PPME1: variants seen among roughly 807,000 people sequenced by gnomAD.
PPME1 encodes the protein protein phosphatase methylesterase 1, also known as testicular secretory protein Li 39.
A neutral mutation model predicts 56.9 loss-of-function variants in PPME1; 17 were observed. The observed-to-expected ratio is 0.30, with a 90% CI of 0.20 to 0.45. The LOEUF is 0.45. Among genes scored for constraint, PPME1 ranks in the 20% least tolerant of loss-of-function variants. The pLI, the probability that PPME1 is intolerant of heterozygous loss-of-function variation, is 1.00. For missense variants in PPME1, 357 were observed against 483.2 expected (o/e 0.74, Z 2.45); for synonymous variants, 122 against 156.2 (o/e 0.78, Z 1.63).
intron 7 of PPME1, among the ~76,000 whole-genome samples, chr11:74,232,191 TC>T (rs1397915612): frequency 6.6e-6 from 1 of 152,258 alleles, no homozygotes. Context: ...TTTCCAATAC[TC>T]CCTTGAGGGA....
intron 11 of PPME1, chr11:74,250,289 A>G (rs1859621993): frequency 6.6e-6 from 1 of 152,138 alleles, no homozygotes; most frequent in Non-Finnish European, 1.5e-5. Context: ...TTCATTCTCA[A>G]TCATTGTCGC....
intron 13 of PPME1, among the ~76,000 whole-genome samples, chr11:74,252,252 T>G (rs1191860412): frequency 4.1e-5 from 5 of 121,988 alleles, no homozygotes; most frequent in African/African-American, 1.7e-4. Context: ...TTTTTTTTTG[T>G]TTTTTTTTTT....
At chr11:74,185,794 A>G (rs545648160) in intron 1 of PPME1, among the ~76,000 whole-genome samples, 1 of 152,246 alleles carries the variant, frequency 6.6e-6, no homozygotes, top group South Asian at 2.1e-4. Context: ...TATCAAAGGT[A>G]TAAGATTACA....
chr11:74,173,097 T>G (rs1478935801), intron 1 of PPME1, among the ~76,000 whole-genome samples: 3 of 152,060 alleles, frequency 2.0e-5, no homozygotes, highest in East Asian at 1.9e-4. Flanking sequence ...GATAGAGAGA[T>G]AGACGCACAA....
At chr11:74,189,350 C>T (rs373873879) in intron 1 of PPME1, among the ~76,000 whole-genome samples, 10 of 152,308 alleles carry the variant, frequency 6.6e-5, no homozygotes, top group African/African-American at 2.2e-4. Flanking sequence ...TGTGCAGTGG[C>T]GTGATCATGG....
chr11:74,247,881 G>T (rs1465474603), intron 11 of PPME1: 3 of 152,598 alleles, frequency 2.0e-5, no homozygotes, highest in African/African-American at 4.8e-5. Flanking sequence ...AAGACAGCAT[G>T]GTAAGATGGT....
intron 3 of PPME1, among the ~76,000 whole-genome samples, chr11:74,216,558 C>A (rs1858649518): frequency 6.6e-6 from 1 of 152,020 alleles, no homozygotes; most frequent in South Asian, 2.1e-4. Context: ...CTCAAATAAC[C>A]AACCCAACGA....
chr11:74,241,493 C>T (rs1441611875), intron 9 of PPME1, among the ~76,000 whole-genome samples: 1 of 151,992 alleles, frequency 6.6e-6, no homozygotes, highest in Non-Finnish European at 1.5e-5. Context: ...TATTATTTGT[C>T]TTGGGTACAC....
chr11:74,230,147 C>G lies in PPME1; in HGVS notation c.399-98C>G, dbSNP rs1027972958. The G allele has an allele frequency of 1.6e-4, 216 of 1,332,336 alleles. No individual in the cohort carries two copies. Among genetic ancestry groups the G allele is most frequent in the Non-Finnish European group, 2.1e-4 (209 of 972,200 alleles). The allele number at this position is 1,332,336 out of a possible 1,614,324, so 82.5% of individuals were successfully genotyped here. The stretch of plus-strand genomic sequence containing the variant: ...GGCCCAATAGACTTTTACAGTTTCC[C>G]AGCACTGTTACACACCAAAGAAAGG... On this transcript the variant is annotated intron_variant, in intron 5 of 13. Coordinates refer to ENST00000328257, the MANE Select transcript of PPME1 (RefSeq NM_016147.3). The surrounding 1 kb of genome is among the most constrained non-coding windows in gnomAD (Gnocchi z 4.9).
At chr11:74,183,836 G>C (rs1857602440) in intron 1 of PPME1, among the ~76,000 whole-genome samples, 1 of 152,004 alleles carries the variant, frequency 6.6e-6, no homozygotes, top group South Asian at 2.1e-4. Context: ...TTGTCCTAAG[G>C]CAGTTAGCAT....
chr11:74,198,456 CT>C (rs893950215), intron 1 of PPME1, among the ~76,000 whole-genome samples: 1 of 151,958 alleles, frequency 6.6e-6, no homozygotes, highest in African/African-American at 2.4e-5. Flanking sequence ...TCTTCATTTT[CT>C]TTTCTTGTTT....
intron 5 of PPME1, among the ~76,000 whole-genome samples, chr11:74,227,594 G>A (rs1426980084): frequency 6.6e-6 from 1 of 152,088 alleles, no homozygotes; most frequent in African/African-American, 2.4e-5. Flanking sequence ...TCCAATTTCT[G>A]TGATACACAG....
Position 74,253,576 on chromosome 11 carries a change from G to A in PPME1, c.*66G>A. ...TAAATACGTCGCACCAGAGGCCACTGTGATGCCACTGTCTCCTCTCCATCC... is the reference window on the plus strand; with the variant it reads ...TAAATACGTCGCACCAGAGGCCACTATGATGCCACTGTCTCCTCTCCATCC... On this transcript the variant is annotated 3_prime_UTR_variant, in exon 14 of 14. Coordinates refer to ENST00000328257, the MANE Select transcript of PPME1 (RefSeq NM_016147.3). 1 of 1,507,686 alleles carries A rather than the reference G, an allele frequency of 6.6e-7. No homozygotes were observed. The highest frequency in any genetic ancestry group is 1.1e-5 in the South Asian group (1 of 88,870). 93.4% of individuals were successfully genotyped at this position (1,507,686 alleles called of 1,614,324 possible). A position where few individuals can be genotyped will look rare whatever the true frequency, so the allele number is the denominator to read the frequency against.
At chr11:74,201,616 C>T (rs1250548665) in intron 1 of PPME1, among the ~76,000 whole-genome samples, 1 of 152,112 alleles carries the variant, frequency 6.6e-6, no homozygotes, top group Non-Finnish European at 1.5e-5. Flanking sequence ...GTTGTGTGGC[C>T]TTGGCAAGTT....
At chr11:74,240,744 A>G (rs1006003966) in intron 9 of PPME1, among the ~76,000 whole-genome samples, 11 of 152,194 alleles carry the variant, frequency 7.2e-5, no homozygotes, top group Admixed American at 2.0e-4. Context: ...CTTTTCTCCC[A>G]TATTATGGTG....
intron 1 of PPME1, among the ~76,000 whole-genome samples, chr11:74,179,847 T>C (rs1436400563): frequency 6.6e-6 from 1 of 152,186 alleles, no homozygotes; most frequent in Non-Finnish European, 1.5e-5. Flanking sequence ...AATAAGGACA[T>C]TTTAAAAACA....
At chr11:74,200,074 T>C (rs1328305061) in intron 1 of PPME1, among the ~76,000 whole-genome samples, 1 of 152,244 alleles carries the variant, frequency 6.6e-6, no homozygotes, top group African/African-American at 2.4e-5. Flanking sequence ...TACTTTAAAA[T>C]TCTTTCATTA....
At chr11:74,221,499 C>A (rs1344733977) in intron 3 of PPME1, among the ~76,000 whole-genome samples, 2 of 152,082 alleles carry the variant, frequency 1.3e-5, no homozygotes, top group Non-Finnish European at 2.9e-5. Flanking sequence ...TGGTAACTTA[C>A]CTTGGGTCTA....
intron 3 of PPME1, among the ~76,000 whole-genome samples, chr11:74,208,090 G>C (rs545083647): frequency 4.6e-5 from 7 of 152,256 alleles, no homozygotes; most frequent in African/African-American, 1.4e-4. Context: ...GAAGCGGGCA[G>C]ATCACAAGGT....
Sources: gnomAD v4.1 joint callset for allele counts (sites outside exome capture counted in the v4.1 genomes callset) on GRCh38, gnomAD v4.1.1 for gene constraint, Gnocchi (gnomAD v3.1) non-coding constraint, MANE v1.5 for transcripts, NCBI Gene and HGNC (gene_info 2026-07-23, HGNC 2026-07-21) for gene names.